ELMO2: variants seen among roughly 807,000 people sequenced by gnomAD.
ELMO2 encodes the protein engulfment and cell motility 2.
In ELMO2, 37 loss-of-function variants were observed where a neutral mutation model predicts 96.2. The observed-to-expected ratio is 0.38, with a 90% CI of 0.30 to 0.51. The LOEUF (loss-of-function observed/expected upper bound fraction) is 0.51. Ranked by LOEUF, ELMO2 falls within the 20% of genes least tolerant of loss-of-function variation. The probability of loss-of-function intolerance (pLI) is 0.88; values close to 1 mark genes in which losing one functional copy is unlikely to be tolerated. For synonymous variants in ELMO2, 315 were observed against 329.4 expected (o/e 0.96, Z 0.47); for missense variants, 561 against 912.6 (o/e 0.61, Z 4.96).
chr20:46,394,806 C>G (rs1184907147), intron 2 of ELMO2, among the ~76,000 whole-genome samples: 1 of 152,240 alleles, frequency 6.6e-6, no homozygotes, highest in Non-Finnish European at 1.5e-5. Context: ...GTCAAGAAGA[C>G]TCAGTGGTAG....
intron 11 of ELMO2, among the ~76,000 whole-genome samples, chr20:46,377,805 T>C (rs1225337529): frequency 6.6e-6 from 1 of 152,190 alleles, no homozygotes; most frequent in East Asian, 1.9e-4. Context: ...GTTTCTTTCA[T>C]CTCTCTAGCC....
At chr20:46,376,187 G>A (rs1157720972) in intron 11 of ELMO2, among the ~76,000 whole-genome samples, 3 of 152,210 alleles carry the variant, frequency 2.0e-5, no homozygotes, top group African/African-American at 7.2e-5. Flanking sequence ...TGGAGGCAGA[G>A]TTGTTTTTCC....
chr20:46,376,675 G>A (rs1433542577), intron 11 of ELMO2: 1 of 1,289,464 alleles, frequency 7.8e-7, no homozygotes, highest in East Asian at 5.5e-5. Flanking sequence ...TTGCTCCCTT[G>A]TATTTGTCAC....
At position 46,375,750 on chromosome 20, in the gene ELMO2, G is replaced by C; in HGVS notation, c.848C>G (p.Ala283Gly). The change falls in exon 12 of 22, where the codon GCC (alanine) becomes GGC (glycine). Residue 283 changes from alanine (A) to glycine (G), a missense_variant. Coordinates refer to ENST00000290246, the MANE Select transcript of ELMO2 (RefSeq NM_133171.5). The surrounding 1 kb of genome is among the most constrained non-coding windows in gnomAD (Gnocchi z 4.6). ...GACTTGAAGGACATATAGCTGATGG[G>C]CCATCTCAGTTTTGATGGGGCGGTT... Reference protein sequence around the residue: ...RGNRPIKTEMAHQLYVLQVLT... With the variant: ...RGNRPIKTEMGHQLYVLQVLT... 6.2e-7 allele frequency: 1 copy of C among 1,614,176 alleles called. No homozygotes were observed. The highest frequency in any genetic ancestry group is 8.5e-7 in the Non-Finnish European group (1 of 1,180,024).
At chr20:46,388,996 T>A (rs375364509) in intron 7 of ELMO2, 43 bp downstream of exon 7, 8 of 1,583,414 alleles carry the variant, frequency 5.1e-6, no homozygotes, top group Non-Finnish European at 6.9e-6. Flanking sequence ...TGGGATGTAG[T>A]AAATCGTCGA....
Position 46,367,442 on chromosome 20 carries a change from AG to A in ELMO2, c.2080del (p.Leu694TrpfsTer127), listed in dbSNP as rs886037919. 2 of 1,613,292 alleles carry A rather than the reference AG, an allele frequency of 1.2e-6. No individual in the cohort carries two copies. The highest frequency in any genetic ancestry group is 3.3e-5 in the Admixed American group (2 of 59,898). ...GGCTTCGGGAATCTGGATGTTCTCC[AG>A]GTCCAGGAGCCGCAGCTTCATCTCC... ...SMEMKLRLLD[L>X]ENIQIPEAPP... On this transcript the variant is annotated frameshift_variant, in exon 22 of 22. Coordinates refer to ENST00000290246, the MANE Select transcript of ELMO2 (RefSeq NM_133171.5). LOFTEE classifies it high-confidence loss of function.
chr20:46,386,014 A>G (rs1349507292), intron 9 of ELMO2, 110 bp downstream of exon 9: 2 of 1,283,968 alleles, frequency 1.6e-6, no homozygotes, highest in Non-Finnish European at 2.1e-6. Flanking sequence ...GAAGAAGCCA[A>G]CCAACAGCTT....
At chr20:46,395,187 C>T (rs1215705772) in intron 2 of ELMO2, among the ~76,000 whole-genome samples, 1 of 152,202 alleles carries the variant, frequency 6.6e-6, no homozygotes, top group Non-Finnish European at 1.5e-5. Flanking sequence ...TATCCTCACA[C>T]AAGGGCCCCT....
chr20:46,370,470 T>C lies in ELMO2; in HGVS notation c.1857A>G (p.Lys619=). Residue 619 remains lysine (K), a synonymous_variant, in exon 20 of 22, where the codon AAA becomes AAG. Transcript: ENST00000290246. ...TGTTCTGTTTCAGAGCACTTTTCTCTTTCATGTGGGGACAATCTTTCCCAG... is the reference window on the plus strand; with the variant it reads ...TGTTCTGTTTCAGAGCACTTTTCTCCTTCATGTGGGGACAATCTTTCCCAG... ...IVTGKDCPHM[K]EKSALKQNKE... 1 of 1,614,224 alleles carries C rather than the reference T, an allele frequency of 6.2e-7. No homozygotes were observed. Among genetic ancestry groups the C allele is most frequent in the Non-Finnish European group, 8.5e-7 (1 of 1,180,044 alleles).
Position 46,371,526 on chromosome 20 carries a change from G to A in ELMO2, c.1693+53C>T. On this transcript the variant is annotated intron_variant, in intron 18 of 21. Transcript: ENST00000290246. The surrounding 1 kb of genome is among the most constrained non-coding windows in gnomAD (Gnocchi z 5.9). ...CTGGGAAAGGCCTGGGCACAAAAGG[G>A]GCCATCCAGGCAGGCTCTTCCCGGC... 1 of 1,606,058 alleles carries A rather than the reference G, an allele frequency of 6.2e-7. No individual in the cohort carries two copies. Among genetic ancestry groups the A allele is most frequent in the Non-Finnish European group, 8.5e-7 (1 of 1,174,152 alleles).
chr20:46,387,494 G>T, intron 7 of ELMO2, 57 bp from the exon 8 acceptor site: 1 of 1,410,994 alleles, frequency 7.1e-7, no homozygotes, highest in South Asian at 1.2e-5. Flanking sequence ...GGGAAACACA[G>T]GTGTGAGGGC....
rs142818607 is a variant in ELMO2, at chr20:46,387,125, C to T, written c.525+213G>A. Among the ~76,000 whole-genome samples, 1,344 of 152,242 alleles carry T rather than the reference C, an allele frequency of 8.8e-3. 20 individuals are homozygous for T. The highest frequency in any genetic ancestry group is 0.031 in the African/African-American group (1,276 of 41,524). On this transcript the variant is annotated intron_variant, in intron 8 of 21. Coordinates refer to ENST00000290246, the MANE Select transcript of ELMO2 (RefSeq NM_133171.5). ...CTACTTTGATCATATTTAGTTCTGA[C>T]GGTCCAGTTCCATCTCAGTGCAGGC...
rs1037961030 is a variant in ELMO2 at position 46,374,202 on chromosome 20, A to G, written c.1279+130T>C. 4.7e-5 allele frequency: 32 copies of G among 673,702 alleles called. 1 individual carries two copies. In the South Asian group the frequency reaches 5.2e-4, roughly 11 times the overall value. The allele number at this position is 673,702 out of a possible 1,614,324, so 41.7% of individuals were successfully genotyped here. On this transcript the variant is annotated intron_variant, in intron 15 of 21. Transcript: ENST00000290246. ...AGTGATCCTCCTGCCTCAGTCTCCC[A>G]AAGTGCTGAGATTACAGGTGTGAAC...
Position 46,367,666 on chromosome 20 carries a change from A to G in ELMO2, c.1963-106T>C, listed in dbSNP as rs2297057. On this transcript the variant is annotated intron_variant, in intron 21 of 21. Transcript: ENST00000290246. The stretch of plus-strand genomic sequence containing the variant: ...GCTCACAACAGTTCCTTTTGGAACT[A>G]ATCAGTATAGGCAAAACTGATTTGG... 119,388 of 843,202 alleles carry G rather than the reference A, an allele frequency of 0.14. 9,459 individuals carry two copies. The highest frequency in any genetic ancestry group is 0.19 in the African/African-American group (10,685 of 57,130). The allele number at this position is 843,202 out of a possible 1,614,324, so 52.2% of individuals were successfully genotyped here. A position where few individuals can be genotyped will look rare whatever the true frequency, so the allele number is the denominator to read the frequency against.
Position 46,375,829 on chromosome 20 carries a change from ATC to A in ELMO2, c.808-41_808-40del. 1 of 1,611,958 alleles carries A rather than the reference ATC, an allele frequency of 6.2e-7. No individual in the cohort carries two copies. The highest frequency in any genetic ancestry group is 8.5e-7 in the Non-Finnish European group (1 of 1,178,828). ...AGGCAGGGAGCAGGGGACTGAACTG[ATC>A]TCTTTTAATGAAGGGCCACATCCAT... On this transcript the variant is annotated intron_variant, in intron 11 of 21. Coordinates refer to ENST00000290246, the MANE Select transcript of ELMO2 (RefSeq NM_133171.5). The surrounding 1 kb of genome is among the most constrained non-coding windows in gnomAD (Gnocchi z 4.6).
At chr20:46,387,204 T>C in intron 8 of ELMO2, 134 bp downstream of exon 8, 2 of 683,078 alleles carry the variant, frequency 2.9e-6, no homozygotes, top group South Asian at 2.0e-5. Context: ...GACTAGAGCT[T>C]GAGGATGAAA....
chr20:46,387,965 T>TGATG (rs2060079756), intron 7 of ELMO2, among the ~76,000 whole-genome samples: 2 of 152,226 alleles, frequency 1.3e-5, no homozygotes, highest in African/African-American at 4.8e-5. Flanking sequence ...GACGACAAGA[T>TGATG]GATGATGTAT....
In ELMO2 at chr20:46,366,535, A is replaced by G. The variant is rs968635543; in HGVS notation, c.*825T>C. The G allele has an allele frequency of 6.6e-6, 1 of 152,620 alleles. No homozygotes were observed. Among genetic ancestry groups the G allele is most frequent in the Admixed American group, 6.5e-5 (1 of 15,280 alleles). The allele number at this position is 152,620 out of a possible 1,614,324, so 9.5% of individuals were successfully genotyped here. ...GGAAAGCAAACTGGAGGGGGCTGCA[A>G]TTCAGGTTAGGGGAGATTTCTCTCT... On this transcript the variant is annotated 3_prime_UTR_variant, in exon 22 of 22. Transcript: ENST00000290246.
chr20:46,404,973 T>C (rs1378036038), intron 1 of ELMO2, among the ~76,000 whole-genome samples: 1 of 152,114 alleles, frequency 6.6e-6, no homozygotes, highest in Non-Finnish European at 1.5e-5. Context: ...TCAGTTTCAT[T>C]CCCCTGCAGG....
Sources: allele counts gnomAD v4.1 joint callset (sites outside exome capture counted in the v4.1 genomes callset), GRCh38; gene constraint gnomAD v4.1.1; non-coding constraint Gnocchi (gnomAD v3.1); transcripts MANE v1.5; gene names NCBI Gene and HGNC (gene_info 2026-07-23, HGNC 2026-07-21).